HPSE2: variants seen among roughly 807,000 people sequenced by gnomAD.
HPSE2 encodes inactive heparanase-2.
A neutral mutation model predicts 60.5 loss-of-function variants in HPSE2; 38 were observed. That is an observed-to-expected ratio of 0.63 (90% confidence interval 0.48 to 0.82). The LOEUF (loss-of-function observed/expected upper bound fraction) is 0.82, where lower values mean the gene tolerates loss of function less well. HPSE2 is among the 40% of genes least tolerant of loss of function. The pLI, the probability that HPSE2 is intolerant of heterozygous loss-of-function variation, is 0.00. For synonymous variants in HPSE2, 295 were observed against 293.2 expected, an observed-to-expected ratio of 1.01 and a Z score of -0.06; for missense variants, 713 against 740.4, an observed-to-expected ratio of 0.96 and a Z score of 0.43.
chr10:98,762,978 T>C (rs1565145531), intron 3 of HPSE2, among the ~76,000 whole-genome samples: 2 of 152,000 alleles, frequency 1.3e-5, no homozygotes, highest in African/African-American at 4.8e-5. Context: ...TTTAAATGAA[T>C]AAAATATGCC....
intron 3 of HPSE2, among the ~76,000 whole-genome samples, chr10:99,081,663 A>C (rs552481530): frequency 6.6e-6 from 1 of 151,622 alleles, no homozygotes; most frequent in African/African-American, 2.4e-5. Context: ...TAAAGACGGA[A>C]TCTCGCTCTG....
At chr10:98,724,241 G>T (rs1333335903) in intron 4 of HPSE2, among the ~76,000 whole-genome samples, 2 of 152,228 alleles carry the variant, frequency 1.3e-5, no homozygotes, top group Admixed American at 6.5e-5. Context: ...TCATTCAGGA[G>T]CAGGTTGTTC....
At chr10:98,467,708 C>G (rs1422893895) in intron 11 of HPSE2, among the ~76,000 whole-genome samples, 1 of 152,236 alleles carries the variant, frequency 6.6e-6, no homozygotes, top group Non-Finnish European at 1.5e-5. Flanking sequence ...GCCTCCAAAT[C>G]CCGCACTCCA....
chr10:98,616,668 A>G (rs1945919752), intron 8 of HPSE2, among the ~76,000 whole-genome samples: 1 of 152,220 alleles, frequency 6.6e-6, no homozygotes, highest in Non-Finnish European at 1.5e-5. Context: ...TTATAAAAAT[A>G]AAACAAAACA....
At chr10:98,778,062 C>G (rs980264257) in intron 3 of HPSE2, among the ~76,000 whole-genome samples, 1 of 152,026 alleles carries the variant, frequency 6.6e-6, no homozygotes, top group Non-Finnish European at 1.5e-5. Context: ...AGGCCATAAT[C>G]CAGGACACCC....
At chr10:98,501,955 A>C (rs188036570) in intron 9 of HPSE2, among the ~76,000 whole-genome samples, 121 of 143,078 alleles carry the variant, frequency 8.5e-4, no homozygotes, top group African/African-American at 2.8e-3. Flanking sequence ...CAATATCTGC[A>C]AAAAAAAAAA....
chr10:98,478,901 G>A (rs1941125104), intron 11 of HPSE2, among the ~76,000 whole-genome samples: 1 of 152,124 alleles, frequency 6.6e-6, no homozygotes, highest in South Asian at 2.1e-4. Context: ...TCTTATATAA[G>A]GAGTTGGGAC....
At chr10:99,217,675 C>T (rs1410537954) in intron 2 of HPSE2, among the ~76,000 whole-genome samples, 1 of 152,032 alleles carries the variant, frequency 6.6e-6, no homozygotes, top group African/African-American at 2.4e-5. Flanking sequence ...CTCACTGCCT[C>T]ACACTTGGGC....
At chr10:99,256,032 G>A in the HPSE2 span, among the ~76,000 whole-genome samples, 1 of 152,042 alleles carries the variant, frequency 6.6e-6, no homozygotes, top group Non-Finnish European at 1.5e-5. Flanking sequence ...GACAGTGAAG[G>A]GGGAAGTGCT....
Position 98,937,426 on chromosome 10 carries a change from G to A in HPSE2, c.611-193370C>T, listed in dbSNP as rs1954836758. ...ACAGGCTTAAAAAACGGCGCACCAG[G>A]AGATTATATCCCGCACATGGCTTGG... On this transcript the variant is annotated intron_variant, in intron 3 of 11. Transcript: ENST00000370552. Among the ~76,000 whole-genome samples, 2 of 144,520 alleles carry A rather than the reference G, an allele frequency of 1.4e-5. 1 individual carries two copies. The highest frequency in any genetic ancestry group is 5.6e-5 in the African/African-American group (2 of 35,868). 94.8% of individuals were successfully genotyped at this position (144,520 alleles called of 152,430 possible). A position where few individuals can be genotyped will look rare whatever the true frequency, so the allele number is the denominator to read the frequency against.
intron 3 of HPSE2, among the ~76,000 whole-genome samples, chr10:99,026,327 T>C (rs1299996751): frequency 6.6e-6 from 1 of 152,158 alleles, no homozygotes; most frequent in Non-Finnish European, 1.5e-5. Flanking sequence ...GGAGTCACTA[T>C]ACTTTATCAG....
intron 3 of HPSE2, among the ~76,000 whole-genome samples, chr10:99,054,350 A>T (rs959667635): frequency 3.3e-5 from 5 of 152,188 alleles, no homozygotes; most frequent in Non-Finnish European, 7.3e-5. Context: ...GATCTTGTTA[A>T]TAACTTTAAT....
intron 3 of HPSE2, among the ~76,000 whole-genome samples, chr10:98,873,881 C>T (rs146648875): frequency 3.4e-4 from 52 of 151,892 alleles, no homozygotes; most frequent in Middle Eastern, 3.4e-3. Flanking sequence ...AGCATCTATT[C>T]TTGACTTTTT....
At chr10:98,900,816 G>C (rs77625398) in intron 3 of HPSE2, among the ~76,000 whole-genome samples, 3,394 of 152,174 alleles carry the variant, frequency 0.022, 62 homozygotes, top group Non-Finnish European at 0.034. Flanking sequence ...GCAATTTCTT[G>C]AATTTACCAT....
chr10:98,740,352 T>A (rs1239405351), intron 4 of HPSE2, among the ~76,000 whole-genome samples: 1 of 151,990 alleles, frequency 6.6e-6, no homozygotes, highest in African/African-American at 2.4e-5. Context: ...ATTTTCTAGT[T>A]TTTTGTAGAG....
intron 9 of HPSE2, among the ~76,000 whole-genome samples, chr10:98,494,103 C>T (rs1941750854): frequency 6.6e-6 from 1 of 152,172 alleles, no homozygotes. Flanking sequence ...GTTTGAAATG[C>T]TTGTTCTCCG....
chr10:98,937,352 C>T lies in HPSE2; in HGVS notation c.611-193296G>A, dbSNP rs1281942299. On this transcript the variant is annotated intron_variant, in intron 3 of 11. Transcript: ENST00000370552. ...CCTAGTCAAAGAAAGGGGTGACAGA[C>T]GGCACCTGGAAATTCGGGTCACTCC... Among the ~76,000 whole-genome samples, 6 of 144,544 alleles carry T rather than the reference C, an allele frequency of 4.2e-5. 1 individual carries two copies. Among genetic ancestry groups the T allele is most frequent in the Admixed American group, 1.4e-4 (2 of 14,564 alleles). The allele number at this position is 144,544 out of a possible 152,430, so 94.8% of individuals were successfully genotyped here. A position where few individuals can be genotyped will look rare whatever the true frequency, so the allele number is the denominator to read the frequency against.
At chr10:99,085,671 T>C (rs1429293044) in intron 3 of HPSE2, among the ~76,000 whole-genome samples, 1 of 152,216 alleles carries the variant, frequency 6.6e-6, no homozygotes, top group African/African-American at 2.4e-5. Context: ...TGATATTATG[T>C]CTGAGCCTAT....
At chr10:98,727,277 G>C (rs1949111046) in intron 4 of HPSE2, among the ~76,000 whole-genome samples, 1 of 152,070 alleles carries the variant, frequency 6.6e-6, no homozygotes, top group Non-Finnish European at 1.5e-5. Flanking sequence ...ACTCATACCA[G>C]CAAAAAACAT....
Sources: allele counts gnomAD v4.1 joint callset (sites outside exome capture counted in the v4.1 genomes callset), GRCh38; gene constraint gnomAD v4.1.1; transcripts MANE v1.5; gene names NCBI Gene and HGNC (gene_info 2026-07-23, HGNC 2026-07-21).